SPIDR: variants seen among roughly 807,000 people sequenced by gnomAD.
SPIDR encodes the protein DNA repair-scaffolding protein.
A neutral mutation model predicts 104.6 loss-of-function variants in SPIDR; 93 were observed. The observed-to-expected ratio is 0.89, with a 90% confidence interval of 0.75 to 1.06. SPIDR has a LOEUF of 1.06. SPIDR is among the 50% of genes least tolerant of loss of function. The pLI is 0.00. For missense variants in SPIDR, 1,154 were observed against 1,111.2 expected (o/e 1.04, Z -0.55); for synonymous variants, 431 against 416.9 (o/e 1.03, Z -0.41).
At chr8:47,342,632 C>T (rs782447761) in intron 5 of SPIDR, among the ~76,000 whole-genome samples, 4 of 152,018 alleles carry the variant, frequency 2.6e-5, no homozygotes, top group Non-Finnish European at 4.4e-5. Flanking sequence ...CAAGTGCACC[C>T]GGCCTGAAAT....
At chr8:47,374,515 G>A (rs2058421601) in intron 5 of SPIDR, among the ~76,000 whole-genome samples, 1 of 152,028 alleles carries the variant, frequency 6.6e-6, no homozygotes, top group Non-Finnish European at 1.5e-5. Context: ...AAATTATTTT[G>A]TCTTGCATAT....
intron 10 of SPIDR, among the ~76,000 whole-genome samples, chr8:47,649,092 A>T (rs889166449): frequency 6.6e-6 from 1 of 152,148 alleles, no homozygotes; most frequent in African/African-American, 2.4e-5. Flanking sequence ...ACAGAATGTA[A>T]TTAGAAGCCG....
At chr8:47,479,185 C>A (rs1204475028) in intron 8 of SPIDR, among the ~76,000 whole-genome samples, 1 of 151,758 alleles carries the variant, frequency 6.6e-6, no homozygotes, top group Non-Finnish European at 1.5e-5. Flanking sequence ...ATGGTAAAAC[C>A]CTGTCTCTAC....
At chr8:47,429,033 G>A (rs1035398850) in intron 7 of SPIDR, among the ~76,000 whole-genome samples, 2 of 152,118 alleles carry the variant, frequency 1.3e-5, no homozygotes, top group Admixed American at 6.5e-5. Flanking sequence ...AAGATTTTGC[G>A]TGAATACTGA....
At chr8:47,348,943 T>C (rs550161697) in intron 5 of SPIDR, among the ~76,000 whole-genome samples, 1 of 152,348 alleles carries the variant, frequency 6.6e-6, no homozygotes, top group Non-Finnish European at 1.5e-5. Flanking sequence ...TTCTGAAGCC[T>C]ACTTCTGTCA....
intron 8 of SPIDR, among the ~76,000 whole-genome samples, chr8:47,464,724 T>TCCTTGCCTCGCCTCA (rs2074497276): frequency 6.6e-6 from 1 of 151,918 alleles, no homozygotes; most frequent in Non-Finnish European, 1.5e-5. Flanking sequence ...TCCCATCCCG[T>TCCTTGCCTCGCCTCA]CCTTGCCTCG....
intron 8 of SPIDR, among the ~76,000 whole-genome samples, chr8:47,595,484 CT>C (rs1564427181): frequency 3.3e-5 from 1 of 30,658 alleles, no homozygotes; most frequent in Non-Finnish European, 5.7e-5. Flanking sequence ...TGTTTGGGCA[CT>C]TTTTTGAGGC....
At chr8:47,483,080 A>C (rs959670873) in intron 8 of SPIDR, among the ~76,000 whole-genome samples, 1 of 151,424 alleles carries the variant, frequency 6.6e-6, no homozygotes, top group Non-Finnish European at 1.5e-5. Flanking sequence ...TTGCTGACCC[A>C]GCTATAGAGA....
intron 5 of SPIDR, among the ~76,000 whole-genome samples, chr8:47,306,741 G>T (rs1261105804): frequency 2.0e-5 from 3 of 152,110 alleles, no homozygotes; most frequent in Non-Finnish European, 4.4e-5. Flanking sequence ...CCCTTCAGTT[G>T]TCTGTTTTTC....
intron 8 of SPIDR, among the ~76,000 whole-genome samples, chr8:47,505,026 G>A (rs1004907675): frequency 1.3e-5 from 2 of 152,164 alleles, no homozygotes; most frequent in Non-Finnish European, 2.9e-5. Flanking sequence ...GCCGTGTGAG[G>A]TGTCAGTCTG....
Position 47,554,010 on chromosome 8 carries a change from G to T in SPIDR, c.1098-41801G>T, listed in dbSNP as rs574083821. Reference sequence around the variant, plus strand: ...TGCAGGTCTGTTGGAGTTTGCTGGAGGTCCACTCCAGACCCTATTTGCCTT... The same window carrying T: ...TGCAGGTCTGTTGGAGTTTGCTGGATGTCCACTCCAGACCCTATTTGCCTT... On this transcript the variant is annotated intron_variant, in intron 8 of 19. Transcript: ENST00000297423. 1.1e-3 allele frequency among the ~76,000 whole-genome samples: 169 copies of T among 152,278 alleles called. 1 individual carries two copies. The highest frequency in any genetic ancestry group is 4.4e-4 in the Non-Finnish European group (30 of 68,022).
chr8:47,646,837 C>T lies in SPIDR; in HGVS notation c.1545-26964C>T, dbSNP rs191857718. ...TAAATTTTGAATTATATATATTACT[C>T]AGAAAAATGAAAGGACTTTATATAT... On this transcript the variant is annotated intron_variant, in intron 10 of 19. Transcript: ENST00000297423. Among the ~76,000 whole-genome samples the T allele has an allele frequency of 8.6e-5, 13 of 152,036 alleles. No individual in the cohort carries two copies. The East Asian group carries it at 2.5e-3, about 29-fold the overall frequency.
At chr8:47,468,234 T>C (rs2075193426) in intron 8 of SPIDR, among the ~76,000 whole-genome samples, 1 of 152,224 alleles carries the variant, frequency 6.6e-6, no homozygotes, top group South Asian at 2.1e-4. Context: ...TATTCCATGC[T>C]CATTAATAGG....
chr8:47,685,992 C>G (rs1443774825), intron 11 of SPIDR, among the ~76,000 whole-genome samples: 1 of 151,788 alleles, frequency 6.6e-6, no homozygotes, highest in Non-Finnish European at 1.5e-5. Flanking sequence ...CCTGTCTATA[C>G]ACAAGGAAAG....
chr8:47,646,742 G>T (rs938087093), intron 10 of SPIDR, among the ~76,000 whole-genome samples: 1 of 152,186 alleles, frequency 6.6e-6, no homozygotes, highest in Non-Finnish European at 1.5e-5. Flanking sequence ...GATTATCTGT[G>T]AGGGGTAGCT....
At chr8:47,406,514 C>G (rs1037446836) in intron 6 of SPIDR, among the ~76,000 whole-genome samples, 1 of 152,128 alleles carries the variant, frequency 6.6e-6, no homozygotes, top group African/African-American at 2.4e-5. Flanking sequence ...TATTTCTGAG[C>G]ATAAGAGGTT....
At chr8:47,526,199 A>G (rs1300457466) in intron 8 of SPIDR, among the ~76,000 whole-genome samples, 2 of 152,208 alleles carry the variant, frequency 1.3e-5, no homozygotes, top group South Asian at 4.1e-4. Context: ...GAAATAAGGA[A>G]CATTGCAATG....
chr8:47,352,834 C>G (rs374024878), intron 5 of SPIDR, among the ~76,000 whole-genome samples: 1 of 151,816 alleles, frequency 6.6e-6, no homozygotes, highest in Non-Finnish European at 1.5e-5. Context: ...TAGGCCGAGT[C>G]GATGAGGTTG....
At chr8:47,361,953 C>G (rs2056070477) in intron 5 of SPIDR, among the ~76,000 whole-genome samples, 2 of 152,200 alleles carry the variant, frequency 1.3e-5, no homozygotes, top group African/African-American at 4.8e-5. Context: ...ATTGTCCAGA[C>G]CAGAGGCTCC....
Sources: gnomAD v4.1 joint callset for allele counts (sites outside exome capture counted in the v4.1 genomes callset) on GRCh38, gnomAD v4.1.1 for gene constraint, MANE v1.5 for transcripts, NCBI Gene and HGNC (gene_info 2026-07-23, HGNC 2026-07-21) for gene names.